KCNJ3: variants seen among roughly 807,000 people sequenced by gnomAD.
KCNJ3 encodes the protein G protein-activated inward rectifier potassium channel 1.
KCNJ3 carries 4 observed loss-of-function variants against 39.2 expected under a neutral mutation model. The observed-to-expected ratio is 0.10, with a 90% CI of 0.05 to 0.23. KCNJ3 has a LOEUF of 0.23. Ranked by LOEUF, KCNJ3 falls within the 10% of genes least tolerant of loss-of-function variation. The probability of loss-of-function intolerance (pLI) is 1.00; values close to 1 mark genes in which losing one functional copy is unlikely to be tolerated. For synonymous variants in KCNJ3, 230 were observed against 237.4 expected (o/e 0.97, Z 0.29); for missense variants, 276 against 634.9 (o/e 0.43, Z 6.08).
intron 2 of KCNJ3, among the ~76,000 whole-genome samples, chr2:154,797,087 ATCTG>A (rs1400905046): frequency 6.6e-6 from 1 of 152,150 alleles, no homozygotes; most frequent in Non-Finnish European, 1.5e-5. Context: ...TCTAGAAACA[ATCTG>A]TCTTTTATTC....
intron 2 of KCNJ3, among the ~76,000 whole-genome samples, chr2:154,837,071 G>T (rs1687479046): frequency 6.6e-6 from 1 of 152,170 alleles, no homozygotes; most frequent in Non-Finnish European, 1.5e-5. Context: ...TGGATGTCAA[G>T]TGTGTAAGTG....
rs369723857 is a variant in KCNJ3 at position 154,698,961 on chromosome 2, C to T, written c.186C>T (p.Ser62=). The T allele has an allele frequency of 1.6e-5, 26 of 1,614,018 alleles. No individual in the cohort carries two copies. The African/African-American group carries it at 3.5e-4, about 22-fold the overall frequency. Residue 62 remains serine, a synonymous_variant, in exon 1 of 3, where the codon AGC becomes AGT. Coordinates refer to ENST00000295101, the MANE Select transcript of KCNJ3 (RefSeq NM_002239.4). ...RCNVQHGNLG[S]ETSRYLSDLF... ...ATGTACAGCACGGCAACCTGGGCAG[C>T]GAGACAAGCCGCTACCTCTCGGACC...
At chr2:154,827,925 T>A (rs1687296446) in intron 2 of KCNJ3, among the ~76,000 whole-genome samples, 1 of 152,188 alleles carries the variant, frequency 6.6e-6, no homozygotes, top group African/African-American at 2.4e-5. Flanking sequence ...AAGAACAGTA[T>A]ATTTTCTGTA....
rs1472730812 is a variant in KCNJ3, at chr2:154,754,521, C to G, written c.919+44702C>G. Among the ~76,000 whole-genome samples the G allele has an allele frequency of 3.9e-5, 6 of 152,192 alleles. No individual in the cohort carries two copies. In the South Asian group the frequency reaches 1.2e-3, roughly 31 times the overall value. On this transcript the variant is annotated intron_variant, in intron 2 of 2. Coordinates refer to ENST00000295101, the MANE Select transcript of KCNJ3 (RefSeq NM_002239.4). Reference sequence around the variant, plus strand: ...AACTCCCGACCTCCGGCAATCCACCCGCCTTGGCCTCCCAAAGTGTTGGGA... The same window carrying G: ...AACTCCCGACCTCCGGCAATCCACCGGCCTTGGCCTCCCAAAGTGTTGGGA...
At chr2:154,738,081 A>G (rs1449418845) in intron 2 of KCNJ3, among the ~76,000 whole-genome samples, 1 of 152,172 alleles carries the variant, frequency 6.6e-6, no homozygotes, top group African/African-American at 2.4e-5. Flanking sequence ...TAGCCATTAT[A>G]AACAGTGCTG....
At chr2:154,803,304 T>C (rs1324101244) in intron 2 of KCNJ3, among the ~76,000 whole-genome samples, 1 of 151,968 alleles carries the variant, frequency 6.6e-6, no homozygotes, top group Non-Finnish European at 1.5e-5. Flanking sequence ...GTAAATTTGT[T>C]ATATCATGAA....
chr2:154,777,924 A>G (rs1009572587), intron 2 of KCNJ3, among the ~76,000 whole-genome samples: 25 of 152,180 alleles, frequency 1.6e-4, no homozygotes, highest in African/African-American at 6.0e-4. Flanking sequence ...TGGAGCTTTC[A>G]TAGCAAAAAT....
intron 2 of KCNJ3, among the ~76,000 whole-genome samples, chr2:154,830,753 T>C (rs1372976481): frequency 6.7e-6 from 1 of 148,544 alleles, no homozygotes; most frequent in Non-Finnish European, 1.5e-5. Flanking sequence ...TAGATGAGAA[T>C]GATTATTTTT....
intron 2 of KCNJ3, among the ~76,000 whole-genome samples, chr2:154,721,302 G>A (rs185646090): frequency 2.0e-5 from 3 of 152,212 alleles, no homozygotes; most frequent in Non-Finnish European, 4.4e-5. Context: ...CCCATGCTGT[G>A]TAGCACACTG....
intron 2 of KCNJ3, among the ~76,000 whole-genome samples, chr2:154,710,839 A>T (rs1460060098): frequency 1.3e-5 from 2 of 152,178 alleles, no homozygotes; most frequent in Non-Finnish European, 2.9e-5. Flanking sequence ...ATCCTCAATT[A>T]TGTAACAGTC....
At chr2:154,809,657 T>C (rs1185387607) in intron 2 of KCNJ3, among the ~76,000 whole-genome samples, 2 of 152,142 alleles carry the variant, frequency 1.3e-5, no homozygotes, top group African/African-American at 4.8e-5. Context: ...CATTGTCTGT[T>C]TGTGAACTTG....
chr2:154,787,884 T>G (rs1686561525), intron 2 of KCNJ3, among the ~76,000 whole-genome samples: 1 of 152,206 alleles, frequency 6.6e-6, no homozygotes, highest in Non-Finnish European at 1.5e-5. Context: ...CTAAATGAGA[T>G]CTAGTACCTT....
chr2:154,735,713 GT>G (rs1685519197), intron 2 of KCNJ3, among the ~76,000 whole-genome samples: 2 of 152,100 alleles, frequency 1.3e-5, no homozygotes, highest in Admixed American at 1.3e-4. Flanking sequence ...CTGAAATGTA[GT>G]TGGTCCTTTA....
intron 2 of KCNJ3, among the ~76,000 whole-genome samples, chr2:154,801,124 C>G (rs908361204): frequency 1.3e-5 from 2 of 152,212 alleles, no homozygotes; most frequent in African/African-American, 4.8e-5. Flanking sequence ...CCCACTTTGA[C>G]TGACCTTTGT....
intron 2 of KCNJ3, among the ~76,000 whole-genome samples, chr2:154,725,494 T>G (rs2105162958): frequency 6.6e-6 from 1 of 152,190 alleles, no homozygotes; most frequent in Non-Finnish European, 1.5e-5. Context: ...CTGCAATTAT[T>G]TAAAACCATA....
At chr2:154,777,315 G>C (rs983693443) in intron 2 of KCNJ3, among the ~76,000 whole-genome samples, 1 of 152,100 alleles carries the variant, frequency 6.6e-6, no homozygotes. Context: ...TGGTGTGTTC[G>C]TGTGTGTCTC....
intron 2 of KCNJ3, among the ~76,000 whole-genome samples, chr2:154,785,432 C>G (rs1191900764): frequency 6.6e-6 from 1 of 152,146 alleles, no homozygotes; most frequent in Non-Finnish European, 1.5e-5. Flanking sequence ...AAAACTCATG[C>G]TGAAACTTAC....
chr2:154,727,866 T>C (rs964947598), intron 2 of KCNJ3, among the ~76,000 whole-genome samples: 2 of 150,990 alleles, frequency 1.3e-5, no homozygotes, highest in Admixed American at 1.3e-4. Flanking sequence ...AAAAATGTTA[T>C]TTTTGCCAAA....
intron 2 of KCNJ3, among the ~76,000 whole-genome samples, chr2:154,769,195 T>C (rs759755668): frequency 1.2e-4 from 19 of 152,184 alleles, no homozygotes; most frequent in Non-Finnish European, 2.6e-4. Flanking sequence ...TCCTGCCTAA[T>C]TGCCCTGGCC....
Sources: allele counts gnomAD v4.1 joint callset (sites outside exome capture counted in the v4.1 genomes callset), GRCh38; gene constraint gnomAD v4.1.1; transcripts MANE v1.5; gene names NCBI Gene and HGNC (gene_info 2026-07-23, HGNC 2026-07-21).